RNF150: variants seen among roughly 807,000 people sequenced by gnomAD.
The protein encoded by RNF150 is ring finger protein 150.
In RNF150, 24 loss-of-function variants were observed where a neutral mutation model predicts 39.3. The ratio of observed to expected loss-of-function variants is 0.61; its 90% confidence interval spans 0.44 to 0.86. RNF150 has a LOEUF of 0.86. Ranked by LOEUF, RNF150 falls within the 40% of genes least tolerant of loss-of-function variation. The pLI is 0.00. For missense variants in RNF150, 502 were observed against 587.8 expected (o/e 0.85, Z 1.51); for synonymous variants, 255 against 227.3 (o/e 1.12, Z -1.10).
chr4:140,911,272 G>T lies in RNF150; in HGVS notation c.1070C>A (p.Ala357Asp), dbSNP rs756030796. 15 of 1,613,962 alleles carry T rather than the reference G, an allele frequency of 9.3e-6. No individual in the cohort carries two copies. In the South Asian group the frequency reaches 1.6e-4, roughly 18 times the overall value. The change falls in exon 6 of 7, where the codon GCC becomes GAC. Residue 357 changes from alanine (A) to aspartate (D), a missense_variant. Physicochemically the swap from Ala to Asp is moderately radical, Grantham distance 126 (BLOSUM62 -2). Coordinates refer to ENST00000515673, the MANE Select transcript of RNF150 (RefSeq NM_020724.2). ...GGPPTNQITG[A>D]SDTTVNESSV... ...ACTTTCATTCACTGTTGTGTCGCTGGCACCTGTGATCTGGTTGGTGGGTGG... is the reference window on the plus strand; with the variant it reads ...ACTTTCATTCACTGTTGTGTCGCTGTCACCTGTGATCTGGTTGGTGGGTGG...
At chr4:141,119,062 T>C (rs1010021074) in intron 1 of RNF150, among the ~76,000 whole-genome samples, 8 of 152,112 alleles carry the variant, frequency 5.3e-5, no homozygotes, top group Admixed American at 2.0e-4. Context: ...CACCCAGCCA[T>C]ATACACACGA....
At chr4:141,109,479 T>C (rs544891025) in intron 1 of RNF150, among the ~76,000 whole-genome samples, 7 of 152,062 alleles carry the variant, frequency 4.6e-5, no homozygotes, top group African/African-American at 1.2e-4. Flanking sequence ...AAAAAAAATA[T>C]GATAAATGCT....
At chr4:140,917,413 T>G (rs899670483) in intron 5 of RNF150, among the ~76,000 whole-genome samples, 1 of 152,010 alleles carries the variant, frequency 6.6e-6, no homozygotes, top group Admixed American at 6.6e-5. Context: ...AAACAGACTT[T>G]AAACCAACAA....
At chr4:141,025,162 TATAAA>T (rs1432835940) in intron 1 of RNF150, among the ~76,000 whole-genome samples, 3 of 152,134 alleles carry the variant, frequency 2.0e-5, no homozygotes, top group African/African-American at 7.2e-5. Flanking sequence ...TCATAGAGCC[TATAAA>T]ATAAGTACAC....
intron 4 of RNF150, among the ~76,000 whole-genome samples, chr4:140,934,756 A>G (rs1015344407): frequency 6.6e-6 from 1 of 151,754 alleles, no homozygotes; most frequent in Non-Finnish European, 1.5e-5. Flanking sequence ...AAGTGTGGCT[A>G]TGGTGTCAAC....
chr4:140,882,540 C>T (rs1729415987), intron 6 of RNF150, among the ~76,000 whole-genome samples: 1 of 152,084 alleles, frequency 6.6e-6, no homozygotes, highest in Admixed American at 6.6e-5. Flanking sequence ...AAATCTCTTA[C>T]TCTTATTGTG....
chr4:141,003,674 C>T (rs1419378402), intron 1 of RNF150, among the ~76,000 whole-genome samples: 2 of 151,986 alleles, frequency 1.3e-5, no homozygotes, highest in African/African-American at 4.8e-5. Flanking sequence ...GTCATAGATG[C>T]ATCTACTGAT....
intron 1 of RNF150, among the ~76,000 whole-genome samples, chr4:141,165,491 A>G (rs1727584653): frequency 1.3e-5 from 2 of 152,230 alleles, no homozygotes; most frequent in African/African-American, 4.8e-5. Flanking sequence ...TCAACAGAAT[A>G]TACATTTTTC....
intron 1 of RNF150, among the ~76,000 whole-genome samples, chr4:141,019,024 C>A (rs1735381728): frequency 1.5e-5 from 2 of 134,076 alleles, no homozygotes; most frequent in African/African-American, 2.8e-5. Context: ...GGCAATCTTA[C>A]TGCAAAGAAA....
At chr4:141,134,268 T>C (rs1726986513), upstream of RNF150, among the ~76,000 whole-genome samples, 2 of 152,198 alleles carry the variant, frequency 1.3e-5, no homozygotes, top group South Asian at 4.1e-4. Flanking sequence ...ACAGTCCCCC[T>C]AGTGTAGTGT....
At chr4:140,952,405 C>G (rs956261042) in intron 2 of RNF150, among the ~76,000 whole-genome samples, 1 of 152,164 alleles carries the variant, frequency 6.6e-6, no homozygotes, top group Non-Finnish European at 1.5e-5. Flanking sequence ...ATGAAATATG[C>G]CCTTCTTAAA....
intron 1 of RNF150, among the ~76,000 whole-genome samples, chr4:141,022,003 T>C (rs1735513537): frequency 6.6e-6 from 1 of 152,220 alleles, no homozygotes; most frequent in South Asian, 2.1e-4. Flanking sequence ...ACTCATGCTC[T>C]GTGCCTCATC....
intron 4 of RNF150, among the ~76,000 whole-genome samples, chr4:140,935,055 A>T (rs866353883): frequency 0.042 from 2,586 of 61,344 alleles, 44 homozygotes; most frequent in East Asian, 0.074. Context: ...AAATATATAT[A>T]TTATATATAT....
upstream of RNF150, among the ~76,000 whole-genome samples, chr4:141,137,102 C>T (rs1727039953): frequency 1.3e-5 from 2 of 152,114 alleles, no homozygotes; most frequent in South Asian, 4.2e-4. Context: ...ACCATTAAGA[C>T]CATTAAGGAT....
At chr4:141,195,011 A>T (rs1213584217) in intron 1 of RNF150, among the ~76,000 whole-genome samples, 3 of 152,140 alleles carry the variant, frequency 2.0e-5, no homozygotes, top group African/African-American at 4.8e-5. Flanking sequence ...CTATTATGTA[A>T]GATAAGTACA....
At chr4:141,065,872 T>C (rs1737435353) in intron 1 of RNF150, among the ~76,000 whole-genome samples, 1 of 152,058 alleles carries the variant, frequency 6.6e-6, no homozygotes. Flanking sequence ...ATAGAGATGA[T>C]GTGGAATCAG....
intron 1 of RNF150, among the ~76,000 whole-genome samples, chr4:141,041,422 G>A (rs1339180806): frequency 2.0e-5 from 3 of 152,068 alleles, no homozygotes; most frequent in Non-Finnish European, 4.4e-5. Context: ...AACCATCCAT[G>A]AAAACAAAAG....
chr4:141,132,350 G>T lies in RNF150; in HGVS notation c.459C>A (p.Asn153Lys). The change falls in exon 1 of 7, where the codon AAC (asparagine) becomes AAA (lysine). Residue 153 changes from asparagine (N) to lysine (K), a missense_variant. Asn to Lys is a moderately conservative substitution (Grantham distance 94, BLOSUM62 0). Coordinates refer to ENST00000515673, the MANE Select transcript of RNF150 (RefSeq NM_020724.2). The surrounding 1 kb of genome is among the most constrained non-coding windows in gnomAD (Gnocchi z 4.9). ...CCGCGTGGGGCATGGTGATGGTCTC[G>T]TTGGTGTTGGAGCCCACGTTGAAGA... is the stretch of plus-strand genomic sequence containing the variant. ...VVIFNVGSNT[N>K]ETITMPHAGV... is the part of the protein sequence containing the mutation. 1 of 1,589,014 alleles carries T rather than the reference G, an allele frequency of 6.3e-7. No homozygotes were observed. Among genetic ancestry groups the T allele is most frequent in the Non-Finnish European group, 8.6e-7 (1 of 1,168,016 alleles).
At chr4:141,168,346 G>A (rs1727637523) in intron 1 of RNF150, among the ~76,000 whole-genome samples, 1 of 152,196 alleles carries the variant, frequency 6.6e-6, no homozygotes, top group South Asian at 2.1e-4. Context: ...CACCATTGGT[G>A]GGATTGTAAA....
Sources: allele counts gnomAD v4.1 joint callset (sites outside exome capture counted in the v4.1 genomes callset), GRCh38; gene constraint gnomAD v4.1.1; non-coding constraint Gnocchi (gnomAD v3.1); transcripts MANE v1.5; gene names NCBI Gene and HGNC (gene_info 2026-07-23, HGNC 2026-07-21).